EHF: variants seen among roughly 807,000 people sequenced by gnomAD.
EHF encodes the protein ETS homologous factor.
Under a neutral mutation model 45.1 loss-of-function variants are expected in EHF, and 14 were observed. The observed-to-expected ratio is 0.31, with a 90% CI of 0.21 to 0.49. The LOEUF (loss-of-function observed/expected upper bound fraction) is 0.49. EHF is among the 20% of genes least tolerant of loss of function. The pLI, the probability that EHF is intolerant of heterozygous loss-of-function variation, is 0.99. For missense variants in EHF, 282 were observed against 371.4 expected, an observed-to-expected ratio of 0.76 and a Z score of 1.98; for synonymous variants, 136 against 131.8, an observed-to-expected ratio of 1.03 and a Z score of -0.22.
intron 1 of EHF, chr11:34,631,476 T>C (rs11032793): frequency 0.089 from 63,829 of 715,724 alleles, 3,130 homozygotes; most frequent in Admixed American, 0.17. Flanking sequence ...GCTTATCATG[T>C]GACATTGACA....
intron 1 of EHF, among the ~76,000 whole-genome samples, chr11:34,635,150 T>C (rs1019753761): frequency 3.9e-5 from 6 of 152,154 alleles, no homozygotes; most frequent in Non-Finnish European, 7.3e-5. Flanking sequence ...AATATAGTTA[T>C]TATTATTATT....
intron 1 of EHF, among the ~76,000 whole-genome samples, chr11:34,627,759 C>G (rs286917): frequency 0.19 from 29,348 of 152,002 alleles, 2,929 homozygotes; most frequent in African/African-American, 0.25. Context: ...AAAAAATTGT[C>G]TTTATTTTCA....
At chr11:34,635,556 A>G (rs1233342358) in intron 1 of EHF, among the ~76,000 whole-genome samples, 1 of 148,260 alleles carries the variant, frequency 6.7e-6, no homozygotes, top group Non-Finnish European at 1.5e-5. Flanking sequence ...GGTTCAAGTG[A>G]TTCTCCTGCC....
chr11:34,662,869 A>G lies in EHF; in HGVS notation c.*3938A>G, dbSNP rs569133430. Among the ~76,000 whole-genome samples the G allele has an allele frequency of 6.0e-4, 91 of 152,262 alleles. 1 individual carries two copies. Among genetic ancestry groups the G allele is most frequent in the South Asian group, 3.9e-3 (19 of 4,826 alleles). ...GGCAGATACTTACTGTATGAATGAA[A>G]GAACATCACAGTAATCACAATATCA... On this transcript the variant is annotated 3_prime_UTR_variant, in exon 9 of 9. Transcript: ENST00000257831.
intron 1 of EHF, among the ~76,000 whole-genome samples, chr11:34,624,880 C>G (rs1243166669): frequency 6.6e-6 from 1 of 152,138 alleles, no homozygotes; most frequent in East Asian, 1.9e-4. Flanking sequence ...GTCTAGGGAC[C>G]TGGTCTAGCA....
chr11:34,653,547 TCC>T (rs1855399231), intron 6 of EHF, among the ~76,000 whole-genome samples: 1 of 152,092 alleles, frequency 6.6e-6, no homozygotes, highest in African/African-American at 2.4e-5. Context: ...TTGCTGCAGC[TCC>T]CCATTTCTAT....
In EHF at chr11:34,658,857, G is replaced by A. The variant is rs1855901806; in HGVS notation, c.829G>A (p.Glu277Lys). The A allele has an allele frequency of 1.2e-6, 2 of 1,612,750 alleles. No individual in the cohort carries two copies. Among genetic ancestry groups the A allele is most frequent in the Non-Finnish European group, 1.7e-6 (2 of 1,179,554 alleles). ...MRYYYKREIL[E>K]RVDGRRLVYK... ...ATATTACTACAAAAGAGAAATTCTG[G>A]AGCGTGTGGATGGACGAAGACTGGT... is the stretch of plus-strand genomic sequence containing the variant. Residue 277 changes from glutamate to lysine, a missense_variant, in exon 9 of 9, where the codon GAG becomes AAG. Transcript: ENST00000257831.
intron 1 of EHF, among the ~76,000 whole-genome samples, chr11:34,629,074 G>GC (rs1453640471): frequency 6.6e-6 from 1 of 152,176 alleles, no homozygotes; most frequent in African/African-American, 2.4e-5. Context: ...GCTGCGGAGA[G>GC]CCCTCTCCTC....
At chr11:34,624,141 C>A in intron 1 of EHF, 1 of 311,362 alleles carries the variant, frequency 3.2e-6, no homozygotes, top group Non-Finnish European at 4.7e-6. Context: ...CCGTTTCAGC[C>A]CATTTCTCTT....
chr11:34,639,461 C>T (rs1229786466), intron 1 of EHF, among the ~76,000 whole-genome samples: 1 of 152,224 alleles, frequency 6.6e-6, no homozygotes, highest in Non-Finnish European at 1.5e-5. Flanking sequence ...TCCACGATCT[C>T]ATTCCATCTC....
intron 3 of EHF, among the ~76,000 whole-genome samples, chr11:34,647,373 C>T (rs553847118): frequency 5.9e-5 from 9 of 152,334 alleles, no homozygotes; most frequent in East Asian, 3.9e-4. Context: ...GGATGGGCCA[C>T]CATTCCAGAT....
chr11:34,653,959 C>T lies in EHF; in HGVS notation c.544+2154C>T, dbSNP rs112121980. Among the ~76,000 whole-genome samples the T allele has an allele frequency of 3.3e-3, 501 of 152,276 alleles. 3 individuals are homozygous for T. The highest frequency in any genetic ancestry group is 0.011 in the African/African-American group (469 of 41,542). ...GCCCATTTCATAAAATGCCCGCTGCCGGTGTCCTGTTCTGCTCGACAGTCC... is the reference window on the plus strand; with the variant it reads ...GCCCATTTCATAAAATGCCCGCTGCTGGTGTCCTGTTCTGCTCGACAGTCC... On this transcript the variant is annotated intron_variant, in intron 6 of 8. Transcript: ENST00000257831.
At chr11:34,648,401 G>A (rs1000768471) in intron 3 of EHF, among the ~76,000 whole-genome samples, 1 of 151,926 alleles carries the variant, frequency 6.6e-6, no homozygotes, top group South Asian at 2.1e-4. Flanking sequence ...ATGATAATGG[G>A]AGAGGAGTTG....
chr11:34,640,903 G>C (rs547967766), intron 1 of EHF, among the ~76,000 whole-genome samples: 2 of 152,256 alleles, frequency 1.3e-5, no homozygotes, highest in East Asian at 3.9e-4. Flanking sequence ...CCAGGTGCTC[G>C]AGGTACAGAA....
intron 6 of EHF, among the ~76,000 whole-genome samples, chr11:34,653,965 C>T (rs1855452443): frequency 6.6e-6 from 1 of 152,170 alleles, no homozygotes; most frequent in African/African-American, 2.4e-5. Context: ...CTGCCGGTGT[C>T]CTGTTCTGCT....
intron 1 of EHF, among the ~76,000 whole-genome samples, chr11:34,635,902 T>C (rs1853359123): frequency 6.6e-6 from 1 of 152,072 alleles, no homozygotes; most frequent in Non-Finnish European, 1.5e-5. Context: ...GGGAACATCA[T>C]GGCTTCTGCA....
chr11:34,626,251 TTGCC>T (rs1852366513), intron 1 of EHF, among the ~76,000 whole-genome samples: 1 of 152,204 alleles, frequency 6.6e-6, no homozygotes, highest in Non-Finnish European at 1.5e-5. Flanking sequence ...AACATTTCAG[TTGCC>T]TGTCCAGCCC....
intron 3 of EHF, among the ~76,000 whole-genome samples, chr11:34,647,102 C>A (rs1416046687): frequency 6.2e-5 from 9 of 144,704 alleles, no homozygotes; most frequent in African/African-American, 2.3e-4. Flanking sequence ...CACACACACA[C>A]ACAAAGAACC....
chr11:34,623,049 T>G (rs1177509446), intron 1 of EHF, among the ~76,000 whole-genome samples: 1 of 152,120 alleles, frequency 6.6e-6, no homozygotes, highest in African/African-American at 2.4e-5. Flanking sequence ...TATTTGTTAT[T>G]TTTTTGGTTA....
Sources: gnomAD v4.1 joint callset for allele counts (sites outside exome capture counted in the v4.1 genomes callset) on GRCh38, gnomAD v4.1.1 for gene constraint, MANE v1.5 for transcripts, NCBI Gene and HGNC (gene_info 2026-07-23, HGNC 2026-07-21) for gene names.